Variants in VKORC1L1 observed in about 807,000 individuals in gnomAD.
VKORC1L1 encodes vitamin K epoxide reductase complex subunit 1-like protein 1.
Under a neutral mutation model 18.9 loss-of-function variants are expected in VKORC1L1, and 2 were observed. That is an observed-to-expected ratio of 0.11 (90% confidence interval 0.04 to 0.33). VKORC1L1 has a LOEUF of 0.33. VKORC1L1 is among the 10% of genes least tolerant of loss of function. The pLI is 1.00. For missense variants in VKORC1L1, 123 were observed against 224.1 expected (o/e 0.55, Z 2.88); for synonymous variants, 96 against 100.0 (o/e 0.96, Z 0.24).
At position 65,957,195 on chromosome 7, in the gene VKORC1L1, A is replaced by G. The variant is rs577231665; in HGVS notation, c.*2895A>G. 1 of 152,242 alleles carries G rather than the reference A, an allele frequency of 6.6e-6. No individual in the cohort carries two copies. Among genetic ancestry groups the G allele is most frequent in the Non-Finnish European group, 1.5e-5 (1 of 68,060 alleles). 9.4% of individuals were successfully genotyped at this position (152,242 alleles called of 1,614,324 possible). ...GACTATTTTCATTCAAAGAAACTAC[A>G]TTCGGCCGGGCACGGTGGCTCACGC... On this transcript the variant is annotated 3_prime_UTR_variant, in exon 3 of 3. Transcript: ENST00000360768.
upstream of VKORC1L1, among the ~76,000 whole-genome samples, chr7:65,873,016 C>A (rs1172453040): frequency 7.3e-6 from 1 of 137,402 alleles, no homozygotes; most frequent in Non-Finnish European, 1.6e-5. Context: ...ACCCCTTTCT[C>A]CCCCGGGCTC....
intron 1 of VKORC1L1, among the ~76,000 whole-genome samples, chr7:65,927,757 C>A (rs1348051431): frequency 6.6e-6 from 1 of 152,178 alleles, no homozygotes. Flanking sequence ...TGTAGCCCAC[C>A]ATGCATTGCA....
intron 1 of VKORC1L1, among the ~76,000 whole-genome samples, chr7:65,922,331 A>G (rs1789691265): frequency 6.7e-6 from 1 of 149,742 alleles, no homozygotes; most frequent in Non-Finnish European, 1.5e-5. Flanking sequence ...GCTAGAGTGC[A>G]GTGCAGTCGC....
intron 1 of VKORC1L1, among the ~76,000 whole-genome samples, chr7:65,938,330 A>G (rs1192581030): frequency 1.3e-5 from 2 of 152,248 alleles, no homozygotes; most frequent in African/African-American, 4.8e-5. Flanking sequence ...AAATGAATTT[A>G]ACAGGTTTGG....
Position 65,920,619 on chromosome 7 carries a change from G to A in VKORC1L1, c.195-28052G>A, listed in dbSNP as rs977405863. Reference sequence around the variant, plus strand: ...GCTCCTTCTTGGCCAGGTGTCAAAAGCTGGGATCTGAAAGATGAGAATTAA... The same window carrying A: ...GCTCCTTCTTGGCCAGGTGTCAAAAACTGGGATCTGAAAGATGAGAATTAA... On this transcript the variant is annotated intron_variant, in intron 1 of 2. Coordinates refer to ENST00000360768, the MANE Select transcript of VKORC1L1 (RefSeq NM_173517.6). Among the ~76,000 whole-genome samples the A allele has an allele frequency of 2.0e-5, 3 of 152,194 alleles. No homozygotes were observed. The South Asian group carries it at 6.2e-4, about 32-fold the overall frequency.
intron 1 of VKORC1L1, among the ~76,000 whole-genome samples, chr7:65,910,071 C>T (rs114071124): frequency 1.3e-5 from 2 of 151,920 alleles, no homozygotes; most frequent in African/African-American, 4.8e-5. Context: ...TTTCCTTCCT[C>T]GTAAGGAAGT....
chr7:65,934,912 G>T (rs986698190), intron 1 of VKORC1L1, among the ~76,000 whole-genome samples: 1 of 151,918 alleles, frequency 6.6e-6, no homozygotes, highest in Non-Finnish European at 1.5e-5. Context: ...AAATTAGCCG[G>T]GCGTGGTGGT....
chr7:65,904,894 G>GTA (rs1292011474), intron 1 of VKORC1L1, among the ~76,000 whole-genome samples: 2 of 151,930 alleles, frequency 1.3e-5, no homozygotes, highest in African/African-American at 2.4e-5. Context: ...TTTTGTCTGT[G>GTA]TATATATATG....
At chr7:65,871,028 C>A (rs968175768), upstream of VKORC1L1, among the ~76,000 whole-genome samples, 1 of 152,196 alleles carries the variant, frequency 6.6e-6, no homozygotes, top group African/African-American at 2.4e-5. Context: ...TCAAGCAATC[C>A]TCCTGCCTCA....
At chr7:65,921,566 T>G (rs555003858) in intron 1 of VKORC1L1, among the ~76,000 whole-genome samples, 1 of 152,228 alleles carries the variant, frequency 6.6e-6, no homozygotes, top group South Asian at 2.1e-4. Context: ...AAAAAATTTT[T>G]GGCCGGGCAC....
intron 1 of VKORC1L1, among the ~76,000 whole-genome samples, chr7:65,890,586 T>G (rs1256977203): frequency 2.0e-5 from 3 of 152,204 alleles, no homozygotes; most frequent in East Asian, 1.9e-4. Context: ...TCTTTTTGAT[T>G]GATATTTGTC....
intron 1 of VKORC1L1, among the ~76,000 whole-genome samples, chr7:65,907,965 G>C (rs1316666472): frequency 3.3e-5 from 5 of 152,044 alleles, no homozygotes; most frequent in Non-Finnish European, 7.4e-5. Flanking sequence ...TCTGGTCCCA[G>C]CTTTGATTAC....
At chr7:65,916,065 C>T (rs990599558) in intron 1 of VKORC1L1, among the ~76,000 whole-genome samples, 7 of 149,088 alleles carry the variant, frequency 4.7e-5, no homozygotes, top group African/African-American at 1.7e-4. Context: ...GAGCCAAGAT[C>T]ACGCTACTCT....
chr7:65,937,277 A>C (rs896243859), intron 1 of VKORC1L1, among the ~76,000 whole-genome samples: 1 of 152,130 alleles, frequency 6.6e-6, no homozygotes, highest in African/African-American at 2.4e-5. Flanking sequence ...TTTCCTTTTC[A>C]GAATCCTCAA....
upstream of VKORC1L1, among the ~76,000 whole-genome samples, chr7:65,870,322 T>A (rs569419908): frequency 3.7e-4 from 56 of 150,456 alleles, no homozygotes; most frequent in African/African-American, 1.4e-3. Context: ...CCCAGCTACT[T>A]GGGAGGCTGA....
At chr7:65,923,070 GTTA>G (rs1789702400) in intron 1 of VKORC1L1, among the ~76,000 whole-genome samples, 1 of 152,138 alleles carries the variant, frequency 6.6e-6, no homozygotes, top group South Asian at 2.1e-4. Context: ...CTGAGTTGGA[GTTA>G]TTAAGGACAT....
intron 1 of VKORC1L1, among the ~76,000 whole-genome samples, chr7:65,908,211 G>A (rs532009035): frequency 7.8e-4 from 119 of 152,164 alleles, no homozygotes; most frequent in African/African-American, 2.7e-3. Flanking sequence ...TCAGAAGTTC[G>A]AGACCAACCT....
At position 65,900,719 on chromosome 7, in the gene VKORC1L1, C is replaced by T. The variant is rs184860026; in HGVS notation, c.194+27154C>T. 5.3e-5 allele frequency among the ~76,000 whole-genome samples: 8 copies of T among 152,224 alleles called. No individual in the cohort carries two copies. In the East Asian group the frequency reaches 1.2e-3, roughly 22 times the overall value. ...ACTCGGGAGGCTAAGGCATGAGAAT[C>T]GCTTGAACCCCAGAGGCAGAGGTTG... On this transcript the variant is annotated intron_variant, in intron 1 of 2. Coordinates refer to ENST00000360768, the MANE Select transcript of VKORC1L1 (RefSeq NM_173517.6).
At chr7:65,900,918 A>G (rs1789304097) in intron 1 of VKORC1L1, among the ~76,000 whole-genome samples, 1 of 152,228 alleles carries the variant, frequency 6.6e-6, no homozygotes, top group Non-Finnish European at 1.5e-5. Flanking sequence ...GTCCAAGGCC[A>G]GTCACGTAGT....
Sources: gnomAD v4.1 joint callset for allele counts (sites outside exome capture counted in the v4.1 genomes callset) on GRCh38, gnomAD v4.1.1 for gene constraint, MANE v1.5 for transcripts, NCBI Gene and HGNC (gene_info 2026-07-23, HGNC 2026-07-21) for gene names.